Variants in RGS7 observed in about 807,000 individuals in gnomAD.
RGS7 encodes the protein regulator of G protein signaling 7.
In RGS7, 27 loss-of-function variants were observed where a neutral mutation model predicts 81.1. The ratio of observed to expected loss-of-function variants is 0.33; its 90% CI spans 0.25 to 0.46. RGS7 has a LOEUF of 0.46. RGS7 is among the 20% of genes least tolerant of loss of function. The pLI is 1.00. For synonymous variants in RGS7, 208 were observed against 207.7 expected, an observed-to-expected ratio of 1.00 and a Z score of -0.01; for missense variants, 396 against 607.4, an observed-to-expected ratio of 0.65 and a Z score of 3.66.
chr1:240,868,158 G>GAAA lies in RGS7; in HGVS notation c.609+428_609+429insTTT, dbSNP rs58571370. Reference sequence around the variant, plus strand: ...AGAAAGAAAGAAAGAAAGAAAGAAAGGACGGAGGGAGGGAAGGACGAAGGA... The same window carrying GAAA: ...AGAAAGAAAGAAAGAAAGAAAGAAAGAAAGACGGAGGGAGGGAAGGACGAAGGA... On this transcript the variant is annotated intron_variant, in intron 9 of 18. Coordinates refer to ENST00000440928, the MANE Select transcript of RGS7 (RefSeq NM_001364886.1). This position sits in a 1 kb window ranked among gnomAD's most constrained non-coding sequence, Gnocchi z 5.1. Among the ~76,000 whole-genome samples, 11 of 149,468 alleles carry GAAA rather than the reference G, an allele frequency of 7.4e-5. No homozygotes were observed. Among genetic ancestry groups the GAAA allele is most frequent in the Non-Finnish European group, 1.3e-4 (9 of 67,288 alleles).
intron 4 of RGS7, among the ~76,000 whole-genome samples, chr1:240,938,582 T>G (rs1677033917): frequency 2.6e-5 from 4 of 152,222 alleles, no homozygotes; most frequent in African/African-American, 7.2e-5. Context: ...TGATGCCCCT[T>G]GAAATTGTTA....
intron 2 of RGS7, among the ~76,000 whole-genome samples, chr1:241,291,731 A>C (rs957227454): frequency 6.6e-5 from 10 of 151,888 alleles, no homozygotes; most frequent in Non-Finnish European, 1.3e-4. Context: ...GGTGCCTGCC[A>C]CCACGCCCGG....
At chr1:241,093,834 C>CT (rs56006831) in intron 3 of RGS7, among the ~76,000 whole-genome samples, 10,052 of 147,774 alleles carry the variant, frequency 0.068, 355 homozygotes, top group Admixed American at 0.087. Flanking sequence ...ATGTACACTC[C>CT]TTTTTTTTTT....
chr1:240,810,008 A>T (rs911705012), intron 14 of RGS7, among the ~76,000 whole-genome samples: 5 of 152,226 alleles, frequency 3.3e-5, no homozygotes, highest in Admixed American at 3.3e-4. Context: ...CAGGAATTCA[A>T]TTCATGCCTG....
intron 17 of RGS7, 22 bp downstream of exon 17, chr1:240,801,433 T>G (rs1248932848): frequency 6.6e-7 from 1 of 1,522,582 alleles, no homozygotes; most frequent in Admixed American, 1.7e-5. Flanking sequence ...TGATTCATAA[T>G]TCCTCAAAAA....
chr1:241,251,228 G>T (rs1162180979), intron 2 of RGS7, among the ~76,000 whole-genome samples: 1 of 152,122 alleles, frequency 6.6e-6, no homozygotes, highest in Non-Finnish European at 1.5e-5. Context: ...TAATTTTTGT[G>T]TTTGGTGCTA....
intron 3 of RGS7, among the ~76,000 whole-genome samples, chr1:241,017,704 A>C (rs570394254): frequency 6.6e-6 from 1 of 152,216 alleles, no homozygotes; most frequent in Non-Finnish European, 1.5e-5. Flanking sequence ...CTATAGTTTA[A>C]GTGATTTCTA....
rs953830852 is a variant in RGS7, at chr1:240,923,072, C to T, written c.385+7645G>A. ...AAGACATGGAGAAACTATAACAAAT[C>T]TTGTTAAGTGAAAGAAGAAAAGGCT... On this transcript the variant is annotated intron_variant, in intron 6 of 18. Transcript: ENST00000440928. 4.6e-5 allele frequency among the ~76,000 whole-genome samples: 7 copies of T among 151,890 alleles called. No homozygotes were observed. The East Asian group carries it at 7.7e-4, about 17-fold the overall frequency.
At chr1:241,203,403 T>C (rs547182299) in intron 2 of RGS7, among the ~76,000 whole-genome samples, 3 of 152,224 alleles carry the variant, frequency 2.0e-5, no homozygotes, top group African/African-American at 7.2e-5. Context: ...TGGCTAATTT[T>C]TGTATTTTTA....
intron 2 of RGS7, among the ~76,000 whole-genome samples, chr1:241,135,007 A>G (rs1179658236): frequency 6.6e-6 from 1 of 152,134 alleles, no homozygotes; most frequent in African/African-American, 2.4e-5. Context: ...TCCGGGTACT[A>G]CGTAGCAGTC....
intron 9 of RGS7, among the ~76,000 whole-genome samples, chr1:240,832,880 T>C (rs1464203163): frequency 6.6e-6 from 1 of 152,130 alleles, no homozygotes; most frequent in Non-Finnish European, 1.5e-5. Flanking sequence ...CAAATATGCA[T>C]AGTCCCCCCT....
chr1:241,083,122 G>T (rs550889584), intron 3 of RGS7, among the ~76,000 whole-genome samples: 1 of 151,626 alleles, frequency 6.6e-6, no homozygotes, highest in Non-Finnish European at 1.5e-5. Context: ...CTATTTGGGA[G>T]GCTGAGGCAG....
intron 2 of RGS7, among the ~76,000 whole-genome samples, chr1:241,216,086 A>G (rs917956794): frequency 6.6e-6 from 1 of 151,618 alleles, no homozygotes. Context: ...CCTGGCCAAT[A>G]TGGTGAAACC....
In RGS7 at chr1:241,341,297, C is replaced by T. The variant is rs368643659; in HGVS notation, c.78+14402G>A. On this transcript the variant is annotated intron_variant, in intron 2 of 18. Transcript: ENST00000440928. ...GTGAGTCCCAGGTCTGCAACTTACT[C>T]GGTGTGTTGTGGAAAAGTCACTTAG... Among the ~76,000 whole-genome samples the T allele has an allele frequency of 3.3e-4, 50 of 152,176 alleles. 1 individual carries two copies. The South Asian group carries it at 6.4e-3, about 20-fold the overall frequency.
chr1:241,335,451 G>T (rs1259172840), intron 2 of RGS7, among the ~76,000 whole-genome samples: 1 of 152,106 alleles, frequency 6.6e-6, no homozygotes, highest in Non-Finnish European at 1.5e-5. Flanking sequence ...CTGCAAAACT[G>T]CCACTTTTCT....
chr1:241,244,085 C>A (rs1406620037), intron 2 of RGS7, among the ~76,000 whole-genome samples: 2 of 152,034 alleles, frequency 1.3e-5, no homozygotes, highest in African/African-American at 4.8e-5. Flanking sequence ...TTAAACTGAC[C>A]TATCCAGGTA....
intron 2 of RGS7, among the ~76,000 whole-genome samples, chr1:241,355,434 C>T (rs141106005): frequency 8.5e-5 from 13 of 152,284 alleles, no homozygotes; most frequent in African/African-American, 2.9e-4. Context: ...CTGGAATGCC[C>T]AAACGTGCTG....
chr1:241,245,503 A>G (rs1392059688), intron 2 of RGS7, among the ~76,000 whole-genome samples: 2 of 151,978 alleles, frequency 1.3e-5, no homozygotes, highest in African/African-American at 2.4e-5. Context: ...AAAAAAAAAA[A>G]AAAAGAAAAC....
chr1:240,964,361 C>T (rs1336087320), intron 4 of RGS7, among the ~76,000 whole-genome samples: 1 of 152,074 alleles, frequency 6.6e-6, no homozygotes, highest in African/African-American at 2.4e-5. Context: ...GGTTGGGAAC[C>T]ATGACATCTT....
Sources: gnomAD v4.1 joint callset for allele counts (sites outside exome capture counted in the v4.1 genomes callset) on GRCh38, gnomAD v4.1.1 for gene constraint, Gnocchi (gnomAD v3.1) non-coding constraint, MANE v1.5 for transcripts, NCBI Gene and HGNC (gene_info 2026-07-23, HGNC 2026-07-21) for gene names.